Variants in AFAP1L1 observed in about 807,000 individuals in gnomAD.
The protein encoded by AFAP1L1 is actin filament associated protein 1 like 1, also known as actin filament-associated protein 1-like 1.
Under a neutral mutation model 99.8 loss-of-function variants are expected in AFAP1L1, and 77 were observed. The observed-to-expected ratio is 0.77, with a 90% CI of 0.64 to 0.93. AFAP1L1 has a LOEUF of 0.93. Ranked by LOEUF, AFAP1L1 falls within the 40% of genes least tolerant of loss-of-function variation. AFAP1L1 has a pLI of 0.00. For missense variants in AFAP1L1, 893 were observed against 996.8 expected (o/e 0.90, Z 1.40); for synonymous variants, 373 against 395.3 (o/e 0.94, Z 0.67).
At chr5:149,329,867 G>A in intron 16 of AFAP1L1, 37 bp downstream of exon 16, 1 of 1,544,994 alleles carries the variant, frequency 6.5e-7, no homozygotes, top group East Asian at 2.4e-5. Flanking sequence ...ACCTATGGGT[G>A]GCCAGCTCAT....
chr5:149,294,424 G>T (rs1366636229), intron 1 of AFAP1L1, among the ~76,000 whole-genome samples: 1 of 152,190 alleles, frequency 6.6e-6, no homozygotes, highest in African/African-American at 2.4e-5. Flanking sequence ...AATTAAAGAT[G>T]AAGCTGTCAT....
At chr5:149,281,026 T>C (rs1270310945) in intron 1 of AFAP1L1, among the ~76,000 whole-genome samples, 2 of 152,224 alleles carry the variant, frequency 1.3e-5, no homozygotes, top group Non-Finnish European at 2.9e-5. Flanking sequence ...TCACCAGTTA[T>C]CTTCATTTCA....
rs763237025 is a variant in AFAP1L1, at chr5:149,307,479, C to A, written c.613C>A (p.Arg205=). The A allele has an allele frequency of 6.2e-7, 1 of 1,614,130 alleles. No individual in the cohort carries two copies. The highest frequency in any genetic ancestry group is 1.1e-5 in the South Asian group (1 of 91,084). Residue 205 remains arginine, a synonymous_variant, in exon 7 of 19, where the codon CGA becomes AGA. Transcript: ENST00000296721. ...GGAGGAAGGGAAGAGCCCGCAGCCC[C>A]GACACCAGTGGCCCTCAGAGGAGGC... ...EEEEGKSPQP[R]HQWPSEEASM...
intron 1 of AFAP1L1, among the ~76,000 whole-genome samples, chr5:149,283,374 T>G (rs981922964): frequency 2.0e-5 from 3 of 152,232 alleles, no homozygotes; most frequent in Non-Finnish European, 4.4e-5. Context: ...ATTGTTGATA[T>G]CTGCCCATGT....
In AFAP1L1 at chr5:149,302,458, C is replaced by A; in HGVS notation, c.368C>A (p.Pro123His). ...LPPPLPNKPP[P>H]EDYYEEALPL... ...CCACCGCTCCCCAACAAGCCTCCCC[C>A]TGAGGACTACTATGAAGAGGCCCTT... Residue 123 changes from proline to histidine, a missense_variant, in exon 5 of 19, where the codon CCT becomes CAT. By Grantham distance (77) the Pro-to-His change is moderately conservative (BLOSUM62 -2). Coordinates refer to ENST00000296721, the MANE Select transcript of AFAP1L1 (RefSeq NM_152406.4). 1.3e-6 allele frequency: 2 copies of A among 1,596,734 alleles called. No individual in the cohort carries two copies. The highest frequency in any genetic ancestry group is 1.7e-6 in the Non-Finnish European group (2 of 1,171,848).
intron 1 of AFAP1L1, among the ~76,000 whole-genome samples, chr5:149,290,703 G>A (rs1192571670): frequency 6.6e-6 from 1 of 151,920 alleles, no homozygotes; most frequent in Non-Finnish European, 1.5e-5. Flanking sequence ...TACATGCTGA[G>A]GGTACTTTTT....
rs775692144 is a variant in AFAP1L1, at chr5:149,329,793, G to A, written c.1938G>A (p.Glu646=). The A allele has an allele frequency of 5.6e-6, 9 of 1,613,312 alleles. No homozygotes were observed. Among genetic ancestry groups the A allele is most frequent in the Admixed American group, 1.7e-5 (1 of 59,862 alleles). ...CAGAGCTGATAGCACTGAGACAGGA[G>A]AAGAGGGAACTGAAGGAAGCCATTC... ...IRTELIALRQ[E]KRELKEAIRS... is the part of the protein sequence containing the mutation. Residue 646 remains glutamate, a synonymous_variant, in exon 16 of 19, where the codon GAG becomes GAA. Coordinates refer to ENST00000296721, the MANE Select transcript of AFAP1L1 (RefSeq NM_152406.4).
At chr5:149,323,047 C>T (rs1006904568) in intron 15 of AFAP1L1, among the ~76,000 whole-genome samples, 3 of 152,122 alleles carry the variant, frequency 2.0e-5, no homozygotes, top group African/African-American at 7.2e-5. Flanking sequence ...CCCCTAACAC[C>T]AGATTTGCCA....
chr5:149,318,439 TC>T (rs2127599388), intron 12 of AFAP1L1, among the ~76,000 whole-genome samples: 1 of 152,264 alleles, frequency 6.6e-6, no homozygotes, highest in East Asian at 1.9e-4. Flanking sequence ...CCACTGCCCC[TC>T]CCATTGAGCA....
chr5:149,280,958 G>A (rs1355434424), intron 1 of AFAP1L1, among the ~76,000 whole-genome samples: 2 of 152,186 alleles, frequency 1.3e-5, no homozygotes, highest in African/African-American at 4.8e-5. Flanking sequence ...TGGCTCAGCC[G>A]CTCACTTCCG....
intron 1 of AFAP1L1, among the ~76,000 whole-genome samples, chr5:149,294,475 G>A (rs2127592623): frequency 6.6e-6 from 1 of 152,318 alleles, no homozygotes; most frequent in East Asian, 1.9e-4. Context: ...TAGCTTCTTA[G>A]GGTGAGCTCT....
At chr5:149,317,634 C>T (rs1304133522) in intron 11 of AFAP1L1, 95 bp from the exon 12 acceptor site, 7 of 1,327,274 alleles carry the variant, frequency 5.3e-6, no homozygotes, top group South Asian at 2.7e-5. Flanking sequence ...ACCAGGACCC[C>T]GAGGCCTTCT....
Position 149,328,122 on chromosome 5 carries a change from A to G in AFAP1L1, c.1811-1544A>G, listed in dbSNP as rs542620416. Among the ~76,000 whole-genome samples the G allele has an allele frequency of 1.8e-3, 272 of 152,352 alleles. 1 individual carries two copies. The highest frequency in any genetic ancestry group is 6.3e-3 in the African/African-American group (260 of 41,576). On this transcript the variant is annotated intron_variant, in intron 15 of 18. Transcript: ENST00000296721. ...CTTCTCATCAGTAACAATGAAAGCC[A>G]GAAGGCCCTCCATGCTGTATTTATG...
chr5:149,331,624 A>G (rs1463753913), intron 16 of AFAP1L1, among the ~76,000 whole-genome samples: 1 of 149,654 alleles, frequency 6.7e-6, no homozygotes, highest in African/African-American at 2.4e-5. Context: ...CGTCTCAAGA[A>G]AAAAAAAAAA....
Position 149,307,601 on chromosome 5 carries a change from G to A in AFAP1L1, c.735G>A (p.Glu245=). Residue 245 remains glutamate (E), a synonymous_variant, in exon 7 of 19, where the codon GAG becomes GAA. Transcript: ENST00000296721. ...CCAAGCAGCTGACGGTCATCAGGGA[G>A]GACCAGCTCCTGGTGAGTGGTCAGC... The part of the protein sequence containing the change: ...QWAKQLTVIR[E]DQLLCYKSSK... 6.2e-7 allele frequency: 1 copy of A among 1,612,360 alleles called. No homozygotes were observed. Among genetic ancestry groups the A allele is most frequent in the African/African-American group, 1.3e-5 (1 of 74,986 alleles).
chr5:149,280,395 A>G (rs559808954), intron 1 of AFAP1L1, among the ~76,000 whole-genome samples: 2 of 152,176 alleles, frequency 1.3e-5, no homozygotes, highest in African/African-American at 2.4e-5. Context: ...AGCTGGGCTC[A>G]GAATCACCCC....
chr5:149,272,183 C>T (rs1755140934), intron 1 of AFAP1L1, among the ~76,000 whole-genome samples, 199 bp downstream of exon 1: 1 of 152,144 alleles, frequency 6.6e-6, no homozygotes, highest in Non-Finnish European at 1.5e-5. Flanking sequence ...TGTCAACGCC[C>T]GTGTCCTGGG....
intron 1 of AFAP1L1, among the ~76,000 whole-genome samples, chr5:149,286,377 A>G (rs1334860837): frequency 6.6e-6 from 1 of 152,204 alleles, no homozygotes; most frequent in Non-Finnish European, 1.5e-5. Flanking sequence ...TGCCGCAAAC[A>G]AACAGCACCA....
chr5:149,336,911 T>C (rs960570213), intron 18 of AFAP1L1, among the ~76,000 whole-genome samples: 10 of 152,152 alleles, frequency 6.6e-5, no homozygotes, highest in African/African-American at 2.4e-4. Flanking sequence ...ACATCAGATA[T>C]GCTCAGGAAG....
Sources: gnomAD v4.1 joint callset for allele counts (sites outside exome capture counted in the v4.1 genomes callset) on GRCh38, gnomAD v4.1.1 for gene constraint, MANE v1.5 for transcripts, NCBI Gene and HGNC (gene_info 2026-07-23, HGNC 2026-07-21) for gene names.